The following SMPD3 variants were observed in gnomAD, a reference collection of about 807,000 sequenced individuals.
The protein encoded by SMPD3 is nSMase-2.
A neutral mutation model predicts 55.7 loss-of-function variants in SMPD3; 21 were observed. That is an observed-to-expected ratio of 0.38 (90% CI 0.27 to 0.54). SMPD3 has a LOEUF of 0.54. Among genes scored for constraint, SMPD3 ranks in the 20% least tolerant of loss-of-function variants. The pLI is 0.80. For synonymous variants in SMPD3, 457 were observed against 404.3 expected, an observed-to-expected ratio of 1.13 and a Z score of -1.56; for missense variants, 842 against 899.6, an observed-to-expected ratio of 0.94 and a Z score of 0.82.
intron 1 of SMPD3, among the ~76,000 whole-genome samples, chr16:68,401,992 C>T (rs561914529): frequency 2.2e-4 from 33 of 152,214 alleles, no homozygotes; most frequent in African/African-American, 7.2e-4. Context: ...AAAGAGGCAA[C>T]AAGGTTCTAC....
intron 1 of SMPD3, among the ~76,000 whole-genome samples, chr16:68,418,090 G>T (rs919015996): frequency 3.3e-5 from 5 of 152,132 alleles, no homozygotes; most frequent in Non-Finnish European, 5.9e-5. Context: ...CTATCATGTT[G>T]CCGGATCTGC....
chr16:68,436,807 G>T (rs2090526171), intron 1 of SMPD3, among the ~76,000 whole-genome samples: 1 of 152,190 alleles, frequency 6.6e-6, no homozygotes, highest in South Asian at 2.1e-4. Context: ...TGCAGGCAAA[G>T]GGTCTCAAGA....
intron 1 of SMPD3, among the ~76,000 whole-genome samples, chr16:68,393,727 T>C (rs1176674247): frequency 6.6e-6 from 1 of 152,262 alleles, no homozygotes; most frequent in African/African-American, 2.4e-5. Flanking sequence ...TAATTCTAAT[T>C]TCTTGTTATA....
At chr16:68,432,240 T>G (rs945331021) in intron 1 of SMPD3, among the ~76,000 whole-genome samples, 2 of 152,190 alleles carry the variant, frequency 1.3e-5, no homozygotes, top group African/African-American at 2.4e-5. Flanking sequence ...CGTGACTTGT[T>G]AGAGGACTCA....
At chr16:68,398,720 C>T (rs909926698) in intron 1 of SMPD3, among the ~76,000 whole-genome samples, 4 of 152,212 alleles carry the variant, frequency 2.6e-5, no homozygotes, top group African/African-American at 9.6e-5. Flanking sequence ...GTAATTCATG[C>T]TCTTAAAATA....
At chr16:68,384,760 A>G (rs2090021604) in intron 2 of SMPD3, among the ~76,000 whole-genome samples, 1 of 151,740 alleles carries the variant, frequency 6.6e-6, no homozygotes, top group South Asian at 2.1e-4. Context: ...TCCCCCCGCA[A>G]GCACTCAGTA....
chr16:68,399,940 C>G (rs1272015367), intron 1 of SMPD3, among the ~76,000 whole-genome samples: 1 of 152,220 alleles, frequency 6.6e-6, no homozygotes, highest in African/African-American at 2.4e-5. Context: ...CTCATGCCTC[C>G]CCAGGCACCA....
rs1257035594 is a variant in SMPD3 at position 68,399,132 on chromosome 16, G to A, written c.-268-12473C>T. Among the ~76,000 whole-genome samples, 5 of 152,210 alleles carry A rather than the reference G, an allele frequency of 3.3e-5. No homozygotes were observed. In the East Asian group the frequency reaches 9.6e-4, roughly 29 times the overall value. ...GCCCAGCCTCTGCCTACACCTCTGG[G>A]TTCTCAGACTCTCATTCAAATGCTG... is the stretch of plus-strand genomic sequence containing the variant. On this transcript the variant is annotated intron_variant, in intron 1 of 8. Transcript: ENST00000219334.
At chr16:68,365,733 C>T (rs1442689377) in intron 3 of SMPD3, among the ~76,000 whole-genome samples, 1 of 152,208 alleles carries the variant, frequency 6.6e-6, no homozygotes, top group Non-Finnish European at 1.5e-5. Context: ...CATCCTGAGC[C>T]CACTGTGGCA....
At chr16:68,393,611 C>T (rs1251453382) in intron 1 of SMPD3, among the ~76,000 whole-genome samples, 1 of 152,156 alleles carries the variant, frequency 6.6e-6, no homozygotes, top group African/African-American at 2.4e-5. Context: ...GAGTTGAGGT[C>T]TGGATTGGAG....
chr16:68,387,710 C>G (rs1200808528), intron 1 of SMPD3, among the ~76,000 whole-genome samples: 1 of 152,262 alleles, frequency 6.6e-6, no homozygotes, highest in African/African-American at 2.4e-5. Flanking sequence ...TAAGCCCGTC[C>G]CATGGCCCGG....
intron 1 of SMPD3, among the ~76,000 whole-genome samples, chr16:68,425,035 C>T (rs1294445570): frequency 1.3e-5 from 2 of 152,146 alleles, no homozygotes; most frequent in Non-Finnish European, 2.9e-5. Flanking sequence ...GAAGAATGTT[C>T]TTAAGAAAAC....
intron 2 of SMPD3, among the ~76,000 whole-genome samples, chr16:68,384,808 AG>A (rs895895114): frequency 6.6e-6 from 1 of 151,884 alleles, no homozygotes; most frequent in African/African-American, 2.4e-5. Context: ...TGTGTAGAGT[AG>A]GAAGGTAATA....
intron 2 of SMPD3, chr16:68,381,946 A>T (rs1409885595): frequency 6.6e-6 from 1 of 152,218 alleles, no homozygotes; most frequent in African/African-American, 2.4e-5. Context: ...GCTCTCAAGG[A>T]TAATGAAACA....
intron 1 of SMPD3, among the ~76,000 whole-genome samples, chr16:68,430,221 C>G (rs1203220725): frequency 6.6e-6 from 1 of 151,914 alleles, no homozygotes; most frequent in Non-Finnish European, 1.5e-5. Flanking sequence ...TCCCTCTATG[C>G]CCCCTCCCTC....
chr16:68,392,826 G>A (rs1186729671), intron 1 of SMPD3, among the ~76,000 whole-genome samples: 6 of 124,486 alleles, frequency 4.8e-5, no homozygotes, highest in African/African-American at 1.3e-4. Context: ...AGAATGAGAC[G>A]CTGTCTGGGA....
chr16:68,403,845 C>T (rs1006308653), intron 1 of SMPD3, among the ~76,000 whole-genome samples: 5 of 152,154 alleles, frequency 3.3e-5, no homozygotes, highest in African/African-American at 7.2e-5. Flanking sequence ...CCCACTCTTG[C>T]GTGACAGCAC....
intron 3 of SMPD3, 53 bp from the exon 4 acceptor site, chr16:68,365,145 A>G: frequency 6.3e-7 from 1 of 1,586,944 alleles, no homozygotes; most frequent in East Asian, 2.2e-5. Flanking sequence ...TGGCCCTGAG[A>G]GCACAGGACA....
chr16:68,393,538 G>C (rs1243043636), intron 1 of SMPD3, among the ~76,000 whole-genome samples: 1 of 152,218 alleles, frequency 6.6e-6, no homozygotes, highest in Non-Finnish European at 1.5e-5. Flanking sequence ...AGAGTTTGTG[G>C]TGTTGGGGGA....
Sources: gnomAD v4.1 joint callset for allele counts (sites outside exome capture counted in the v4.1 genomes callset) on GRCh38, gnomAD v4.1.1 for gene constraint, MANE v1.5 for transcripts, NCBI Gene and HGNC (gene_info 2026-07-23, HGNC 2026-07-21) for gene names.